Variants in LINGO2 observed in about 807,000 individuals in gnomAD.
LINGO2 encodes leucine-rich repeat and immunoglobulin-like domain-containing nogo receptor-interacting protein 2.
Under a neutral mutation model 30.6 loss-of-function variants are expected in LINGO2, and 14 were observed. The ratio of observed to expected loss-of-function variants is 0.46; its 90% CI spans 0.30 to 0.72. The LOEUF is 0.72. LINGO2 is among the 30% of genes least tolerant of loss of function. LINGO2 has a pLI of 0.07. For missense variants in LINGO2, 729 were observed against 751.7 expected (o/e 0.97, Z 0.35); for synonymous variants, 317 against 288.5 (o/e 1.10, Z -1.00).
intron 4 of LINGO2, among the ~76,000 whole-genome samples, chr9:28,046,621 C>T (rs1009591932): frequency 1.2e-4 from 18 of 152,158 alleles, no homozygotes; most frequent in African/African-American, 4.3e-4. Context: ...ATTTTACTGT[C>T]TCCTTGAAAT....
chr9:28,414,744 A>T (rs1367082330), intron 2 of LINGO2, among the ~76,000 whole-genome samples: 2 of 152,060 alleles, frequency 1.3e-5, no homozygotes, highest in African/African-American at 4.8e-5. Flanking sequence ...CCTCCCCTCA[A>T]CTGGGCTTCA....
chr9:28,471,995 G>A (rs770516982), intron 2 of LINGO2, among the ~76,000 whole-genome samples: 1 of 152,056 alleles, frequency 6.6e-6, no homozygotes, highest in African/African-American at 2.4e-5. Flanking sequence ...TCAAAAGCAG[G>A]CTAAATAATC....
chr9:28,298,467 T>C (rs1371165745), intron 3 of LINGO2, among the ~76,000 whole-genome samples: 3 of 141,712 alleles, frequency 2.1e-5, no homozygotes, highest in African/African-American at 5.3e-5. Flanking sequence ...ATCGAAACCA[T>C]CCTGCCCAAC....
the LINGO2 span, among the ~76,000 whole-genome samples, chr9:28,800,330 A>G: frequency 1.3e-5 from 2 of 152,102 alleles, no homozygotes; most frequent in African/African-American, 4.8e-5. Flanking sequence ...CCTACCAGAA[A>G]TCACCATATT....
chr9:28,984,381 T>A, the LINGO2 span, among the ~76,000 whole-genome samples: 2 of 152,104 alleles, frequency 1.3e-5, no homozygotes, highest in African/African-American at 4.8e-5. Context: ...CTAAACCTGG[T>A]TCCGTTCACA....
At chr9:28,224,076 T>A (rs1821059733) in intron 4 of LINGO2, among the ~76,000 whole-genome samples, 1 of 152,154 alleles carries the variant, frequency 6.6e-6, no homozygotes, top group Admixed American at 6.5e-5. Context: ...CAGAATTTTT[T>A]TTTTCTGAGA....
intron 4 of LINGO2, among the ~76,000 whole-genome samples, chr9:28,095,967 C>G (rs549014106): frequency 1.3e-5 from 2 of 152,178 alleles, no homozygotes; most frequent in South Asian, 4.2e-4. Context: ...TAATGAGATC[C>G]CATCTCTACA....
the LINGO2 span, among the ~76,000 whole-genome samples, chr9:29,038,011 A>G: frequency 6.6e-6 from 1 of 152,076 alleles, no homozygotes; most frequent in African/African-American, 2.4e-5. Flanking sequence ...TTATATGAAT[A>G]CTTCATAAAG....
intron 2 of LINGO2, among the ~76,000 whole-genome samples, chr9:28,415,793 T>G (rs1822944338): frequency 6.6e-6 from 1 of 152,202 alleles, no homozygotes; most frequent in Non-Finnish European, 1.5e-5. Context: ...GCTGTAATCC[T>G]GTTTTACAAG....
At chr9:28,309,203 C>T (rs974747203) in intron 3 of LINGO2, among the ~76,000 whole-genome samples, 2 of 152,000 alleles carry the variant, frequency 1.3e-5, no homozygotes, top group East Asian at 1.9e-4. Flanking sequence ...CGAAGATAGA[C>T]TGGATTAAGA....
At chr9:28,260,239 ATTT>A (rs368518485) in intron 4 of LINGO2, among the ~76,000 whole-genome samples, 1 of 141,174 alleles carries the variant, frequency 7.1e-6, no homozygotes, top group Non-Finnish European at 1.6e-5. Context: ...ATGACTTGTA[ATTT>A]TTTTTTTTTT....
chr9:28,635,878 G>C (rs967744453), intron 1 of LINGO2, among the ~76,000 whole-genome samples: 1 of 151,970 alleles, frequency 6.6e-6, no homozygotes, highest in Admixed American at 6.6e-5. Flanking sequence ...CAACGTACAG[G>C]TTTGTTAAAT....
chr9:28,609,801 G>A (rs141831681), intron 1 of LINGO2, among the ~76,000 whole-genome samples: 3 of 152,076 alleles, frequency 2.0e-5, no homozygotes, highest in South Asian at 2.1e-4. Context: ...TTCTTATGGC[G>A]TACCTTAAAT....
At chr9:29,149,889 G>C in the LINGO2 span, among the ~76,000 whole-genome samples, 1 of 152,188 alleles carries the variant, frequency 6.6e-6, no homozygotes, top group African/African-American at 2.4e-5. Context: ...GTGCAGGACT[G>C]GAGCATGTGT....
intron 5 of LINGO2, among the ~76,000 whole-genome samples, chr9:27,990,232 A>G (rs767501677): frequency 6.6e-6 from 1 of 152,088 alleles, no homozygotes; most frequent in Non-Finnish European, 1.5e-5. Context: ...AAGATTCAAC[A>G]TAATAGAATG....
the LINGO2 span, among the ~76,000 whole-genome samples, chr9:28,801,930 A>T: frequency 2.0e-5 from 3 of 152,052 alleles, no homozygotes; most frequent in Non-Finnish European, 4.4e-5. Context: ...ATAGTGTGCC[A>T]AAATAATTAC....
At chr9:28,365,041 T>A (rs891744005) in intron 3 of LINGO2, among the ~76,000 whole-genome samples, 4 of 152,192 alleles carry the variant, frequency 2.6e-5, no homozygotes, top group African/African-American at 9.7e-5. Context: ...ATACATCATG[T>A]TAAGTGCTAT....
At chr9:28,945,515 A>T in the LINGO2 span, among the ~76,000 whole-genome samples, 1 of 152,174 alleles carries the variant, frequency 6.6e-6, no homozygotes, top group African/African-American at 2.4e-5. Context: ...GTTCAATTCT[A>T]TCTCCAACAA....
upstream of LINGO2, among the ~76,000 whole-genome samples, chr9:28,674,264 A>C: frequency 6.6e-6 from 1 of 152,002 alleles, no homozygotes; most frequent in African/African-American, 2.4e-5. Flanking sequence ...CTTATACAAT[A>C]ATGTAATAAT....
Sources: allele counts gnomAD v4.1 joint callset (sites outside exome capture counted in the v4.1 genomes callset), GRCh38; gene constraint gnomAD v4.1.1; transcripts MANE v1.5; gene names NCBI Gene and HGNC (gene_info 2026-07-23, HGNC 2026-07-21).